ZKSCAN5: variants seen among roughly 807,000 people sequenced by gnomAD.
ZKSCAN5 encodes the protein zinc finger with KRAB and SCAN domains 5.
Under a neutral mutation model 60.0 loss-of-function variants are expected in ZKSCAN5, and 28 were observed. The observed-to-expected ratio is 0.47, with a 90% CI of 0.35 to 0.64. ZKSCAN5 has a LOEUF of 0.64. Ranked by LOEUF, ZKSCAN5 falls within the 30% of genes least tolerant of loss-of-function variation. The probability of loss-of-function intolerance (pLI) is 0.01; values close to 1 mark genes in which losing one functional copy is unlikely to be tolerated. For missense variants in ZKSCAN5, 881 were observed against 1,034.6 expected, an observed-to-expected ratio of 0.85 and a Z score of 2.04; for synonymous variants, 361 against 371.2, an observed-to-expected ratio of 0.97 and a Z score of 0.31.
At chr7:99,526,523 G>A in intron 6 of ZKSCAN5, 105 bp downstream of exon 6, 1 of 1,477,820 alleles carries the variant, frequency 6.8e-7, no homozygotes, top group Non-Finnish European at 9.0e-7. Flanking sequence ...ACTGGGGGGG[G>A]TAGGAAGAGG....
intron 3 of ZKSCAN5, among the ~76,000 whole-genome samples, chr7:99,519,387 C>T (rs1255105478): frequency 1.3e-5 from 2 of 150,870 alleles, no homozygotes; most frequent in East Asian, 4.0e-4. Flanking sequence ...AAGCGATTAT[C>T]ATGCCTTATC....
chr7:99,534,014 C>T lies in ZKSCAN5; in HGVS notation c.*1765C>T, dbSNP rs1319484478. ...ACCTGTCCAGTCACTAAGTCATTCA[C>T]TTGTGGGGAACTGGGATGAGATACA... is the stretch of plus-strand genomic sequence containing the variant. On this transcript the variant is annotated 3_prime_UTR_variant, in exon 7 of 7. Transcript: ENST00000326775. 1 of 172,498 alleles carries T rather than the reference C, an allele frequency of 5.8e-6. No individual in the cohort carries two copies. Among genetic ancestry groups the T allele is most frequent in the African/African-American group, 2.4e-5 (1 of 42,274 alleles). 10.7% of individuals were successfully genotyped at this position (172,498 alleles called of 1,614,324 possible). A position where few individuals can be genotyped will look rare whatever the true frequency, so the allele number is the denominator to read the frequency against.
intron 1 of ZKSCAN5, 41 bp from the exon 2 acceptor site, chr7:99,505,964 C>A: frequency 6.6e-7 from 1 of 1,509,232 alleles, no homozygotes; most frequent in Non-Finnish European, 9.0e-7. Flanking sequence ...CTGAAAGTGT[C>A]CTTCAGAAGA....
At position 99,506,145 on chromosome 7, in the gene ZKSCAN5, A is replaced by G; in HGVS notation, c.101A>G (p.Asp34Gly). The G allele has an allele frequency of 1.9e-6, 3 of 1,614,132 alleles. No individual in the cohort carries two copies. The highest frequency in any genetic ancestry group is 1.6e-4 in the Middle Eastern group (1 of 6,062). Reference sequence around the variant, plus strand: ...TTCATAGTGAAGGTGGAAGAAGAAGACTGCACCTGGATGCAGGAGTACAAC... The same window carrying G: ...TTCATAGTGAAGGTGGAAGAAGAAGGCTGCACCTGGATGCAGGAGTACAAC... ...DLFIVKVEEE[D>G]CTWMQEYNPP... Residue 34 changes from aspartate (D) to glycine (G), a missense_variant, in exon 2 of 7, where the codon GAC (aspartate) becomes GGC (glycine). Physicochemically the swap from Asp to Gly is moderately conservative, Grantham distance 94. Transcript: ENST00000326775.
At chr7:99,523,676 T>TA (rs2151111318) in intron 5 of ZKSCAN5, among the ~76,000 whole-genome samples, 1 of 152,050 alleles carries the variant, frequency 6.6e-6, no homozygotes, top group Admixed American at 6.6e-5. Flanking sequence ...AGAAAAAAAA[T>TA]ACTATGGTAG....
In ZKSCAN5 at chr7:99,519,912, G is replaced by A; in HGVS notation, c.636+3G>A. 1 of 1,614,070 alleles carries A rather than the reference G, an allele frequency of 6.2e-7. No individual in the cohort carries two copies. The highest frequency in any genetic ancestry group is 8.5e-7 in the Non-Finnish European group (1 of 1,179,994). ...CACTTCTCTCAACTGGGTCCCAGGT[G>A]AGCTGGTGCCCCTTTGCCCTCAGAG... On this transcript the variant is annotated splice_donor_region_variant and intron_variant, in intron 4 of 6. Coordinates refer to ENST00000326775, the MANE Select transcript of ZKSCAN5 (RefSeq NM_145102.4).
Position 99,510,840 on chromosome 7 carries a change from A to T in ZKSCAN5, c.415-1613A>T, listed in dbSNP as rs149779152. 2.0e-3 allele frequency among the ~76,000 whole-genome samples: 306 copies of T among 151,460 alleles called. 1 individual carries two copies. Among genetic ancestry groups the T allele is most frequent in the African/African-American group, 7.2e-3 (297 of 41,212 alleles). On this transcript the variant is annotated intron_variant, in intron 2 of 6. Coordinates refer to ENST00000326775, the MANE Select transcript of ZKSCAN5 (RefSeq NM_145102.4). ...ACTGCACTCTCCGCCTCCCAGGCTC[A>T]AGCGATCCTCCCCACCTCAGCCTCC...
chr7:99,532,426 T>C lies in ZKSCAN5; in HGVS notation c.*177T>C. 1 of 508,632 alleles carries C rather than the reference T, an allele frequency of 2.0e-6. No homozygotes were observed. Among genetic ancestry groups the C allele is most frequent in the Non-Finnish European group, 3.3e-6 (1 of 307,684 alleles). 31.5% of individuals were successfully genotyped at this position (508,632 alleles called of 1,614,324 possible). ...GAGAACCCACAATAATAGAAATCTT[T>C]TCGTGTTCCCCATTGAGAAATGCTT... On this transcript the variant is annotated 3_prime_UTR_variant, in exon 7 of 7. Coordinates refer to ENST00000326775, the MANE Select transcript of ZKSCAN5 (RefSeq NM_145102.4).
At chr7:99,509,767 C>T (rs1189672738) in intron 2 of ZKSCAN5, among the ~76,000 whole-genome samples, 2 of 150,992 alleles carry the variant, frequency 1.3e-5, no homozygotes, top group Non-Finnish European at 3.0e-5. Context: ...TGCCCGGCCA[C>T]AGCATATATT....
At position 99,531,938 on chromosome 7, in the gene ZKSCAN5, A is replaced by C. The variant is rs748538430; in HGVS notation, c.2209A>C (p.Arg737=). 1 of 1,614,252 alleles carries C rather than the reference A, an allele frequency of 6.2e-7. No homozygotes were observed. Among genetic ancestry groups the C allele is most frequent in the African/African-American group, 1.3e-5 (1 of 75,070 alleles). ...GYSSDLIQHY[R]THTAEKPYQC... ...TAGCTCAGACCTCATTCAGCATTAC[A>C]GAACTCATACAGCAGAGAAGCCCTA... The change falls in exon 7 of 7, where the codon AGA becomes CGA. Residue 737 remains arginine (R), a synonymous_variant. Transcript: ENST00000326775.
intron 2 of ZKSCAN5, among the ~76,000 whole-genome samples, chr7:99,510,918 A>G (rs1039131806): frequency 2.4e-4 from 37 of 151,876 alleles, no homozygotes; most frequent in African/African-American, 8.7e-4. Flanking sequence ...TAATTTTTAT[A>G]TTTTTAGTAG....
Position 99,534,670 on chromosome 7 carries a change from T to G in ZKSCAN5, c.*2421T>G, listed in dbSNP as rs1802176098. 1.0e-5 allele frequency: 1 copy of G among 97,716 alleles called. No individual in the cohort carries two copies. The highest frequency in any genetic ancestry group is 1.9e-5 in the Non-Finnish European group (1 of 53,070). The allele number at this position is 97,716 out of a possible 1,614,324, so 6.1% of individuals were successfully genotyped here. A position where few individuals can be genotyped will look rare whatever the true frequency, so the allele number is the denominator to read the frequency against. On this transcript the variant is annotated 3_prime_UTR_variant, in exon 7 of 7. Coordinates refer to ENST00000326775, the MANE Select transcript of ZKSCAN5 (RefSeq NM_145102.4). The stretch of plus-strand genomic sequence containing the variant: ...TCTAGCCCAGTTGACAGAGCGACAG[T>G]GTCTAAAAAAAAAAAAAAAAAAAAA...
intron 3 of ZKSCAN5, among the ~76,000 whole-genome samples, 198 bp from the exon 4 acceptor site, chr7:99,519,629 G>C (rs1239072805): frequency 6.6e-6 from 1 of 152,102 alleles, no homozygotes; most frequent in Non-Finnish European, 1.5e-5. Context: ...CCTGACCAAA[G>C]TAGGAAGTCT....
rs1476597950 is a variant in ZKSCAN5, at chr7:99,531,945, A to G, written c.2216A>G (p.His739Arg). The part of the protein sequence containing the change: ...SSDLIQHYRT[H>R]TAEKPYQCDI... ...GACCTCATTCAGCATTACAGAACTC[A>G]TACAGCAGAGAAGCCCTATCAATGT... The change falls in exon 7 of 7, where the codon CAT (histidine) becomes CGT (arginine). Residue 739 changes from histidine (H) to arginine (R), a missense_variant. Physicochemically the swap from His to Arg is conservative, Grantham distance 29 (BLOSUM62 0). This residue lies in a region of ZKSCAN5 where 138 missense variants were observed against 143.8 expected (regional missense o/e 0.96). Coordinates refer to ENST00000326775, the MANE Select transcript of ZKSCAN5 (RefSeq NM_145102.4). 6.2e-7 allele frequency: 1 copy of G among 1,614,150 alleles called. No individual in the cohort carries two copies. The highest frequency in any genetic ancestry group is 8.5e-7 in the Non-Finnish European group (1 of 1,179,990).
chr7:99,516,870 C>T (rs2151103122), intron 3 of ZKSCAN5, among the ~76,000 whole-genome samples: 1 of 152,278 alleles, frequency 6.6e-6, no homozygotes, highest in East Asian at 1.9e-4. Flanking sequence ...GAACTTGGGT[C>T]ACCTTTCGTC....
Position 99,531,937 on chromosome 7 carries a change from C to T in ZKSCAN5, c.2208C>T (p.Tyr736=), listed in dbSNP as rs1802068206. The change falls in exon 7 of 7, where the codon TAC becomes TAT. Residue 736 remains tyrosine, a synonymous_variant. Transcript: ENST00000326775. ...ATAGCTCAGACCTCATTCAGCATTA[C>T]AGAACTCATACAGCAGAGAAGCCCT... is the stretch of plus-strand genomic sequence containing the variant. ...FGYSSDLIQH[Y]RTHTAEKPYQ... is the part of the protein sequence containing the mutation. 6.2e-7 allele frequency: 1 copy of T among 1,613,998 alleles called. No homozygotes were observed. The highest frequency in any genetic ancestry group is 8.5e-7 in the Non-Finnish European group (1 of 1,179,996).
chr7:99,532,170 G>A lies in ZKSCAN5; in HGVS notation c.2441G>A (p.Cys814Tyr). The change falls in exon 7 of 7, where the codon TGT becomes TAT. Residue 814 changes from cysteine to tyrosine, a missense_variant. Around this residue, in one of 5 missense-constraint regions of ZKSCAN5, gnomAD observed 138 missense variants for 143.8 expected, o/e 0.96. Transcript: ENST00000326775. ...KECGMNFSWS[C>Y]SLFKHLRSHE... Reference sequence around the variant, plus strand: ...TGTGGAATGAATTTCAGCTGGAGTTGTAGCCTCTTTAAACACCTGAGAAGC... The same window carrying A: ...TGTGGAATGAATTTCAGCTGGAGTTATAGCCTCTTTAAACACCTGAGAAGC... 6.2e-7 allele frequency: 1 copy of A among 1,613,556 alleles called. No individual in the cohort carries two copies. Among genetic ancestry groups the A allele is most frequent in the Non-Finnish European group, 8.5e-7 (1 of 1,179,994 alleles).
rs1468782408 is a variant in ZKSCAN5, at chr7:99,520,206, T to A, written c.674T>A (p.Val225Glu). The A allele has an allele frequency of 6.2e-7, 1 of 1,614,080 alleles. No individual in the cohort carries two copies. The highest frequency in any genetic ancestry group is 1.1e-5 in the South Asian group (1 of 91,052). The change falls in exon 5 of 7, where the codon GTA becomes GAA. Residue 225 changes from valine to glutamate, a missense_variant. This residue lies in a region of ZKSCAN5 where 490 missense variants were observed against 554.5 expected (regional missense o/e 0.88). Transcript: ENST00000326775. ...VKIEEVADVA[V>E]SFILEEWGHL... The stretch of plus-strand genomic sequence containing the variant: ...ATTGAAGAGGTGGCTGATGTGGCTG[T>A]ATCCTTCATCCTGGAGGAATGGGGG...
chr7:99,527,614 A>G (rs2151115729), intron 6 of ZKSCAN5, among the ~76,000 whole-genome samples: 1 of 152,188 alleles, frequency 6.6e-6, no homozygotes, highest in Middle Eastern at 3.4e-3. Flanking sequence ...AAGTGTTCCC[A>G]GTTGTTGAAC....
Sources: gnomAD v4.1 joint callset for allele counts (sites outside exome capture counted in the v4.1 genomes callset) on GRCh38, gnomAD v4.1.1 for gene constraint, gnomAD v4.1.1 regional missense constraint, MANE v1.5 for transcripts, NCBI Gene and HGNC (gene_info 2026-07-23, HGNC 2026-07-21) for gene names.